Variants in EXOC1 observed in about 807,000 individuals in gnomAD.
The protein encoded by EXOC1 is SEC3-like 1.
A neutral mutation model predicts 107.7 loss-of-function variants in EXOC1; 67 were observed. That is an observed-to-expected ratio of 0.62 (90% confidence interval 0.51 to 0.76). The LOEUF (loss-of-function observed/expected upper bound fraction) is 0.76, where lower values mean the gene tolerates loss of function less well. EXOC1 is among the 30% of genes least tolerant of loss of function. EXOC1 has a pLI of 0.00. For missense variants in EXOC1, 833 were observed against 1,055.7 expected (o/e 0.79, Z 2.92); for synonymous variants, 348 against 353.5 (o/e 0.98, Z 0.17).
rs1360539299 is a variant in EXOC1 at position 55,891,353 on chromosome 4, T to C, written c.1578T>C (p.Cys526=). 1.2e-6 allele frequency: 2 copies of C among 1,613,894 alleles called. No homozygotes were observed. Among genetic ancestry groups the C allele is most frequent in the Non-Finnish European group, 1.7e-6 (2 of 1,179,964 alleles). The change falls in exon 13 of 19, where the codon TGT becomes TGC. Residue 526 remains cysteine, a synonymous_variant. Transcript: ENST00000381295. ...EQVLSELEPL[C]LAEQDFISKF... ...TACTAAGTGAACTGGAGCCCCTATG[T>C]CTGGCAGAACAGGACTTCATAAGTA...
chr4:55,896,210 C>T (rs375574574), intron 15 of EXOC1, among the ~76,000 whole-genome samples: 59 of 152,182 alleles, frequency 3.9e-4, no homozygotes, highest in East Asian at 2.9e-3. Flanking sequence ...AGTGCAGTGG[C>T]GCAATCTTGG....
chr4:55,891,290 A>G (rs367826380), intron 12 of EXOC1, 25 bp from the exon 13 acceptor site: 30 of 1,461,422 alleles, frequency 2.1e-5, no homozygotes, highest in African/African-American at 4.2e-5. Context: ...TTCTTTCGTT[A>G]TAGGATCACT....
Position 55,870,680 on chromosome 4 carries a change from T to A in EXOC1, c.606T>A (p.Ala202=), listed in dbSNP as rs1722347350. The stretch of plus-strand genomic sequence containing the variant: ...TGTTTTGGTCTTTAACTTTGTAGGC[T>A]AACATCCAGTCAATCATGGCATCTG... ...LSRELQVLDG[A]NIQSIMASEK... is the part of the protein sequence containing the mutation. The change falls in exon 6 of 19, where the codon GCT becomes GCA. Residue 202 remains alanine (A), a splice_region_variant and synonymous_variant. Coordinates refer to ENST00000381295, the MANE Select transcript of EXOC1 (RefSeq NM_001024924.2). 1 of 1,612,774 alleles carries A rather than the reference T, an allele frequency of 6.2e-7. No homozygotes were observed. The highest frequency in any genetic ancestry group is 1.3e-5 in the African/African-American group (1 of 74,790).
At chr4:55,877,634 G>A (rs765096942) in intron 8 of EXOC1, 16 of 985,196 alleles carry the variant, frequency 1.6e-5, no homozygotes, top group Non-Finnish European at 1.8e-5. Flanking sequence ...TCATTAAAAC[G>A]TTCCATCTTC....
rs533012674 is a variant in EXOC1 at position 55,900,275 on chromosome 4, T to A, written c.2337+391T>A. ...AAATTACAAAGCTGGGGGATGAACC[T>A]AGATTAGGCTTTGCCGTTACTCTTT... On this transcript the variant is annotated intron_variant, in intron 17 of 18. Coordinates refer to ENST00000381295, the MANE Select transcript of EXOC1 (RefSeq NM_001024924.2). Among the ~76,000 whole-genome samples the A allele has an allele frequency of 2.0e-4, 31 of 152,278 alleles. No homozygotes were observed. The South Asian group carries it at 6.0e-3, about 30-fold the overall frequency.
intron 3 of EXOC1, among the ~76,000 whole-genome samples, chr4:55,861,972 T>G (rs1223617588): frequency 6.6e-6 from 1 of 152,086 alleles, no homozygotes; most frequent in Non-Finnish European, 1.5e-5. Context: ...GAGAATTGCT[T>G]GAACCTGAGA....
intron 8 of EXOC1, chr4:55,876,438 C>CA (rs1722900503): frequency 6.1e-6 from 4 of 659,620 alleles, no homozygotes; most frequent in Non-Finnish European, 7.5e-6. Context: ...GTTTTTGCAA[C>CA]AAAAAATATG....
intron 9 of EXOC1, among the ~76,000 whole-genome samples, chr4:55,878,296 G>C (rs1177881630): frequency 6.6e-6 from 1 of 152,126 alleles, no homozygotes; most frequent in Non-Finnish European, 1.5e-5. Flanking sequence ...GTAGCCTAAA[G>C]CATCAATTTA....
At chr4:55,858,003 G>A (rs1721152818) in intron 1 of EXOC1, among the ~76,000 whole-genome samples, 1 of 152,080 alleles carries the variant, frequency 6.6e-6, no homozygotes, top group Non-Finnish European at 1.5e-5. Context: ...TCTTCTTATT[G>A]TTGTAAGGGT....
chr4:55,864,968 A>G (rs1721820810), intron 4 of EXOC1, among the ~76,000 whole-genome samples: 1 of 152,190 alleles, frequency 6.6e-6, no homozygotes, highest in South Asian at 2.1e-4. Context: ...GCCACTAACT[A>G]GCTATATGAC....
chr4:55,862,574 C>T (rs1721579244), intron 3 of EXOC1, among the ~76,000 whole-genome samples: 1 of 152,048 alleles, frequency 6.6e-6, no homozygotes, highest in Non-Finnish European at 1.5e-5. Flanking sequence ...ATGCAATTAC[C>T]TTTTCATTGT....
Position 55,870,891 on chromosome 4 carries a change from A to T in EXOC1, c.817A>T (p.Ile273Leu). Residue 273 changes from isoleucine to leucine, a missense_variant, in exon 6 of 19, where the codon ATA becomes TTA. Transcript: ENST00000381295. ...NTNNVKLLSE[I>L]EFLVNHMDLA... ...TAATAATGTAAAACTCCTATCTGAG[A>T]TAGAGTTCCTTGTGGTAAGTATGAT... 3 of 1,613,128 alleles carry T rather than the reference A, an allele frequency of 1.9e-6. No homozygotes were observed. The highest frequency in any genetic ancestry group is 2.5e-6 in the Non-Finnish European group (3 of 1,179,338).
chr4:55,882,281 C>T (rs1452681929), intron 9 of EXOC1, among the ~76,000 whole-genome samples: 1 of 152,144 alleles, frequency 6.6e-6, no homozygotes, highest in African/African-American at 2.4e-5. Context: ...GCTGGGACTA[C>T]AGGCATGTGC....
At chr4:55,891,214 A>C in intron 12 of EXOC1, 101 bp from the exon 13 acceptor site, 3 of 694,926 alleles carry the variant, frequency 4.3e-6, no homozygotes, top group Non-Finnish European at 7.6e-6. Flanking sequence ...TAGTGAGATT[A>C]TGGATCCATG....
intron 18 of EXOC1, among the ~76,000 whole-genome samples, 177 bp from the exon 19 acceptor site, chr4:55,904,161 GATGTC>G (rs1373423229): frequency 1.3e-5 from 2 of 151,314 alleles, no homozygotes; most frequent in Non-Finnish European, 2.9e-5. Context: ...ATAGAGCAGT[GATGTC>G]ATGTACTGAA....
At chr4:55,861,285 C>A (rs896918702) in intron 3 of EXOC1, among the ~76,000 whole-genome samples, 3 of 152,186 alleles carry the variant, frequency 2.0e-5, no homozygotes, top group African/African-American at 7.2e-5. Flanking sequence ...ATACTTTGTA[C>A]CACAACTACT....
At chr4:55,866,946 T>C (rs1254232566) in intron 4 of EXOC1, 1 of 943,860 alleles carries the variant, frequency 1.1e-6, no homozygotes, top group Non-Finnish European at 1.3e-6. Context: ...GTTGCCTTTG[T>C]TATATACCGT....
intron 1 of EXOC1, 47 bp from the exon 2 acceptor site, chr4:55,858,267 G>A: frequency 2.0e-6 from 3 of 1,507,130 alleles, no homozygotes; most frequent in Non-Finnish European, 2.7e-6. Flanking sequence ...GTATAAGATG[G>A]AATGATGTTG....
intron 9 of EXOC1, among the ~76,000 whole-genome samples, chr4:55,881,855 AT>A (rs200856303): frequency 0.046 from 6,939 of 152,110 alleles, 448 homozygotes; most frequent in Admixed American, 0.17. Context: ...CCCAAGATTT[AT>A]TTTCCTTTCA....
Sources: allele counts gnomAD v4.1 joint callset (sites outside exome capture counted in the v4.1 genomes callset), GRCh38; gene constraint gnomAD v4.1.1; transcripts MANE v1.5; gene names NCBI Gene and HGNC (gene_info 2026-07-23, HGNC 2026-07-21).